CNTN1: variants seen among roughly 807,000 people sequenced by gnomAD.
The protein encoded by CNTN1 is contactin 1, also known as contactin-1.
A neutral mutation model predicts 126.4 loss-of-function variants in CNTN1; 38 were observed. The observed-to-expected ratio is 0.30, with a 90% CI of 0.23 to 0.39. The LOEUF (loss-of-function observed/expected upper bound fraction) is 0.39, where lower values mean the gene tolerates loss of function less well. Ranked by LOEUF, CNTN1 falls within the 10% of genes least tolerant of loss-of-function variation. The probability of loss-of-function intolerance (pLI) is 1.00; values close to 1 mark genes in which losing one functional copy is unlikely to be tolerated. For synonymous variants in CNTN1, 413 were observed against 422.6 expected (o/e 0.98, Z 0.28); for missense variants, 1,009 against 1,248.4 (o/e 0.81, Z 2.89).
At chr12:40,893,143 A>C (rs746070938) in intron 1 of CNTN1, among the ~76,000 whole-genome samples, 2 of 152,068 alleles carry the variant, frequency 1.3e-5, no homozygotes, top group Non-Finnish European at 2.9e-5. Context: ...TTTCCAGTTA[A>C]ATGCAAAACC....
intron 1 of CNTN1, among the ~76,000 whole-genome samples, chr12:40,893,231 C>A (rs1944302049): frequency 6.6e-6 from 1 of 151,836 alleles, no homozygotes; most frequent in Non-Finnish European, 1.5e-5. Flanking sequence ...CAAGCTAAAT[C>A]AAAATCACTT....
chr12:40,694,348 A>C (rs1360417193), intron 1 of CNTN1, among the ~76,000 whole-genome samples: 3 of 152,218 alleles, frequency 2.0e-5, no homozygotes, highest in Non-Finnish European at 2.9e-5. Flanking sequence ...ATGTATGTGC[A>C]TTTATCTTTG....
intron 23 of CNTN1, among the ~76,000 whole-genome samples, chr12:41,051,022 T>C (rs963011710): frequency 1.3e-5 from 2 of 152,180 alleles, no homozygotes; most frequent in African/African-American, 4.8e-5. Flanking sequence ...GTTGGCCCTA[T>C]TGAGAATGCA....
At position 40,943,666 on chromosome 12, in the gene CNTN1, A is replaced by T. The variant is rs763469800; in HGVS notation, c.1449A>T (p.Thr483=). The T allele has an allele frequency of 6.2e-7, 1 of 1,611,686 alleles. No homozygotes were observed. Among genetic ancestry groups the T allele is most frequent in the Non-Finnish European group, 8.5e-7 (1 of 1,178,104 alleles). Residue 483 remains threonine, a synonymous_variant, in exon 13 of 24, where the codon ACA becomes ACT. Coordinates refer to ENST00000551295, the MANE Select transcript of CNTN1 (RefSeq NM_001843.4). ...CAAGGAATGATGGAGGTATCTATAC[A>T]TGCTTTGCAGAAAATAACAGAGGGA... ...NITRNDGGIY[T]CFAENNRGKA...
At chr12:40,908,293 C>T (rs1186737179) in intron 1 of CNTN1, 64 bp from the exon 2 acceptor site, 3 of 619,668 alleles carry the variant, frequency 4.8e-6, no homozygotes, top group Non-Finnish European at 8.6e-6. Context: ...CTCCTCCTCT[C>T]CCCTTCCTTC....
intron 23 of CNTN1, among the ~76,000 whole-genome samples, chr12:41,041,668 A>G (rs532767640): frequency 4.4e-4 from 67 of 152,146 alleles, no homozygotes; most frequent in African/African-American, 1.5e-3. Context: ...CAAGGAATTT[A>G]TCCATTTCTT....
chr12:40,936,892 A>T lies in CNTN1; in HGVS notation c.1097A>T (p.Lys366Ile). The change falls in exon 10 of 24, where the codon AAA becomes ATA. Residue 366 changes from lysine (K) to isoleucine (I), a missense_variant. Coordinates refer to ENST00000551295, the MANE Select transcript of CNTN1 (RefSeq NM_001843.4). Reference protein sequence around the residue: ...GKPIPTIRWLKNGYAYHKGEL... With the variant: ...GKPIPTIRWLINGYAYHKGEL... Reference sequence around the variant, plus strand: ...CCCATCCCTACAATCCGATGGTTGAAAAATGGATATGCGGTATGTATGTTC... The same window carrying T: ...CCCATCCCTACAATCCGATGGTTGATAAATGGATATGCGGTATGTATGTTC... 6.2e-7 allele frequency: 1 copy of T among 1,613,124 alleles called. No homozygotes were observed. Among genetic ancestry groups the T allele is most frequent in the East Asian group, 2.2e-5 (1 of 44,838 alleles).
chr12:40,764,558 C>T (rs1212528697), intron 1 of CNTN1, among the ~76,000 whole-genome samples: 1 of 152,072 alleles, frequency 6.6e-6, no homozygotes, highest in East Asian at 1.9e-4. Context: ...CCTCCAGGCC[C>T]TTGAGAAAGA....
At position 41,070,319 on chromosome 12, in the gene CNTN1, AATGGGACAAGTTAC is replaced by A; in HGVS notation, c.*286_*299del. On this transcript the variant is annotated 3_prime_UTR_variant, in exon 24 of 24. Coordinates refer to ENST00000551295, the MANE Select transcript of CNTN1 (RefSeq NM_001843.4). ...CTGTGACAGTTGCATGATTTAACCC[AATGGGACAAGTTAC>A]AGTGTTCAATTCAATACTATAGGCT... 4.3e-6 allele frequency: 2 copies of A among 467,786 alleles called. No homozygotes were observed. The highest frequency in any genetic ancestry group is 7.9e-6 in the Non-Finnish European group (2 of 254,266). The allele number at this position is 467,786 out of a possible 1,614,324, so 29.0% of individuals were successfully genotyped here. A position where few individuals can be genotyped will look rare whatever the true frequency, so the allele number is the denominator to read the frequency against.
intron 15 of CNTN1, among the ~76,000 whole-genome samples, chr12:40,965,391 A>G (rs1178554951): frequency 6.6e-6 from 1 of 152,090 alleles, no homozygotes; most frequent in Non-Finnish European, 1.5e-5. Flanking sequence ...ATCTATAGTT[A>G]ATTTCTAAAA....
At chr12:40,842,390 G>C (rs776329343) in intron 1 of CNTN1, among the ~76,000 whole-genome samples, 2 of 152,070 alleles carry the variant, frequency 1.3e-5, no homozygotes, top group African/African-American at 2.4e-5. Context: ...AGCTAGAAGA[G>C]AAGAATTGCT....
Position 41,027,810 on chromosome 12 carries a change from G to T in CNTN1, c.2711-47G>T, listed in dbSNP as rs374865342. Reference sequence around the variant, plus strand: ...CTGATGCAATAGAGTATGCAGAATTGAGATTGGATATAGTGACCACTGATT... The same window carrying T: ...CTGATGCAATAGAGTATGCAGAATTTAGATTGGATATAGTGACCACTGATT... On this transcript the variant is annotated intron_variant, in intron 21 of 23. Transcript: ENST00000551295. 1.0e-4 allele frequency: 112 copies of T among 1,122,002 alleles called. No individual in the cohort carries two copies. In the African/African-American group the frequency reaches 1.5e-3, roughly 15 times the overall value. 69.5% of individuals were successfully genotyped at this position (1,122,002 alleles called of 1,614,324 possible).
intron 1 of CNTN1, among the ~76,000 whole-genome samples, chr12:40,851,890 G>A (rs1256774417): frequency 6.6e-6 from 1 of 152,142 alleles, no homozygotes; most frequent in African/African-American, 2.4e-5. Context: ...GCATTTCATA[G>A]GACATATGTA....
At chr12:40,979,150 G>A (rs1008970136) in intron 15 of CNTN1, 2 of 152,108 alleles carry the variant, frequency 1.3e-5, no homozygotes, top group East Asian at 1.9e-4. Context: ...ACATTAAGAA[G>A]TCTAAGTATA....
chr12:40,849,189 C>T (rs1222493759), intron 1 of CNTN1, among the ~76,000 whole-genome samples: 2 of 152,132 alleles, frequency 1.3e-5, no homozygotes, highest in Non-Finnish European at 2.9e-5. Flanking sequence ...AATTGTCAAA[C>T]TGCTCATGAA....
intron 1 of CNTN1, among the ~76,000 whole-genome samples, chr12:40,737,723 A>G (rs985333588): frequency 6.6e-6 from 1 of 152,048 alleles, no homozygotes; most frequent in Non-Finnish European, 1.5e-5. Context: ...TGTATCTTTC[A>G]ATCCAATCAA....
chr12:41,044,933 G>A lies in CNTN1; in HGVS notation c.2980+15714G>A, dbSNP rs554444198. Among the ~76,000 whole-genome samples, 146 of 152,006 alleles carry A rather than the reference G, an allele frequency of 9.6e-4. 1 individual carries two copies. The highest frequency in any genetic ancestry group is 5.0e-4 in the Non-Finnish European group (34 of 67,944). On this transcript the variant is annotated intron_variant, in intron 23 of 23. Coordinates refer to ENST00000551295, the MANE Select transcript of CNTN1 (RefSeq NM_001843.4). ...ATAACACCAAGGTTTGAGAAACTTC[G>A]TTGTAAAGTTTCAACCAATTTATGA... is the stretch of plus-strand genomic sequence containing the variant.
chr12:41,017,405 T>G (rs1348082950), intron 19 of CNTN1, among the ~76,000 whole-genome samples: 1 of 150,304 alleles, frequency 6.7e-6, no homozygotes, highest in Non-Finnish European at 1.5e-5. Flanking sequence ...AAAAAATTTC[T>G]GTAATGTATA....
intron 1 of CNTN1, among the ~76,000 whole-genome samples, chr12:40,890,380 G>A (rs370011445): frequency 1.5e-4 from 23 of 152,138 alleles, no homozygotes; most frequent in Middle Eastern, 3.4e-3. Context: ...TTACATTAGG[G>A]TTACTCTTGC....
Sources: gnomAD v4.1 joint callset for allele counts (sites outside exome capture counted in the v4.1 genomes callset) on GRCh38, gnomAD v4.1.1 for gene constraint, MANE v1.5 for transcripts, NCBI Gene and HGNC (gene_info 2026-07-23, HGNC 2026-07-21) for gene names.